CNTN4: variants seen among roughly 807,000 people sequenced by gnomAD.
CNTN4 encodes contactin-4.
A neutral mutation model predicts 122.5 loss-of-function variants in CNTN4; 77 were observed. The ratio of observed to expected loss-of-function variants is 0.63; its 90% CI spans 0.52 to 0.76. The LOEUF is 0.76. CNTN4 is among the 30% of genes least tolerant of loss of function. The pLI is 0.00. For synonymous variants in CNTN4, 512 were observed against 447.0 expected (o/e 1.15, Z -1.83); for missense variants, 1,256 against 1,259.1 (o/e 1.00, Z 0.04).
chr3:2,823,942 A>C (rs1328419275), intron 7 of CNTN4, among the ~76,000 whole-genome samples: 1 of 152,106 alleles, frequency 6.6e-6, no homozygotes, highest in African/African-American at 2.4e-5. Context: ...ACTGAATTGG[A>C]ACTTGCATTT....
chr3:2,496,573 C>G (rs2076457454), intron 3 of CNTN4, among the ~76,000 whole-genome samples: 1 of 152,108 alleles, frequency 6.6e-6, no homozygotes, highest in South Asian at 2.1e-4. Flanking sequence ...ATTTCAGTCT[C>G]CTGGAGATAG....
intron 4 of CNTN4, among the ~76,000 whole-genome samples, chr3:2,670,269 G>T (rs2084425580): frequency 6.6e-6 from 1 of 152,140 alleles, no homozygotes; most frequent in African/African-American, 2.4e-5. Context: ...TATGAATCTG[G>T]GTGCTCCTGT....
chr3:2,819,709 G>A (rs904170323), intron 7 of CNTN4, 128 bp downstream of exon 7: 15 of 773,752 alleles, frequency 1.9e-5, no homozygotes, highest in Non-Finnish European at 3.2e-5. Flanking sequence ...CCTCCATGTG[G>A]AGGAAAAACC....
At chr3:2,906,495 A>C (rs1025763971) in intron 12 of CNTN4, among the ~76,000 whole-genome samples, 4 of 152,164 alleles carry the variant, frequency 2.6e-5, no homozygotes, top group Non-Finnish European at 4.4e-5. Context: ...AAAAATAAAA[A>C]TTTTGATTCA....
intron 4 of CNTN4, among the ~76,000 whole-genome samples, chr3:2,729,341 G>C (rs1359775974): frequency 1.3e-5 from 2 of 151,644 alleles, no homozygotes; most frequent in Non-Finnish European, 2.9e-5. Context: ...AAGGCGGGCG[G>C]ATCACGAGGT....
intron 3 of CNTN4, among the ~76,000 whole-genome samples, chr3:2,396,411 C>T (rs1475543798): frequency 3.9e-5 from 6 of 152,192 alleles, no homozygotes; most frequent in Middle Eastern, 3.4e-3. Context: ...AAAGACCCAC[C>T]GTATGAAAAC....
chr3:2,534,232 G>GT (rs1260199434), intron 3 of CNTN4, among the ~76,000 whole-genome samples: 1 of 152,058 alleles, frequency 6.6e-6, no homozygotes, highest in Non-Finnish European at 1.5e-5. Context: ...GGTTTTTATG[G>GT]TTTTAGGTCT....
intron 2 of CNTN4, among the ~76,000 whole-genome samples, chr3:2,337,489 A>T (rs2044004761): frequency 6.6e-6 from 1 of 152,072 alleles, no homozygotes; most frequent in Admixed American, 6.6e-5. Context: ...TTAATTATTA[A>T]TTTGAGGATT....
At chr3:2,391,666 A>C (rs2046446174) in intron 3 of CNTN4, among the ~76,000 whole-genome samples, 1 of 152,172 alleles carries the variant, frequency 6.6e-6, no homozygotes, top group Non-Finnish European at 1.5e-5. Flanking sequence ...GTTAGCTCAA[A>C]ATTTAGATTG....
rs1470698375 is a variant in CNTN4 at position 2,631,883 on chromosome 3, AAAAAAC to A, written c.55+60328_55+60333del. ...ATCTCTACAAAAAAAAAAAAACAAA[AAAAAAC>A]AACAACTAAAAAATTAGCTGGACAT... is the stretch of plus-strand genomic sequence containing the variant. On this transcript the variant is annotated intron_variant, in intron 4 of 24. Coordinates refer to ENST00000418658, the MANE Select transcript of CNTN4 (RefSeq NM_175607.3). 2.1e-4 allele frequency among the ~76,000 whole-genome samples: 32 copies of A among 150,726 alleles called. 2 individuals are homozygous for A. The highest frequency in any genetic ancestry group is 7.8e-4 in the African/African-American group (32 of 41,084).
chr3:3,026,078 GTTTGT>G lies in CNTN4; in HGVS notation c.1487-15_1487-11del. On this transcript the variant is annotated intron_variant, in intron 14 of 24. Transcript: ENST00000418658. ...GCTCACAGACTTTGTTGTTGTTATT[GTTTGT>G]TTTGTTTTAACTCTCCAGATCCAAC... The G allele has an allele frequency of 6.2e-7, 1 of 1,606,662 alleles. No homozygotes were observed. Among genetic ancestry groups the G allele is most frequent in the Non-Finnish European group, 8.5e-7 (1 of 1,173,858 alleles).
intron 2 of CNTN4, among the ~76,000 whole-genome samples, chr3:2,313,337 AT>A (rs1169367997): frequency 2.0e-5 from 3 of 152,056 alleles, no homozygotes; most frequent in Non-Finnish European, 4.4e-5. Flanking sequence ...AATTATATAA[AT>A]TAACTCATGT....
chr3:2,111,568 G>T (rs1449795093), intron 2 of CNTN4, among the ~76,000 whole-genome samples: 15 of 152,100 alleles, frequency 9.9e-5, no homozygotes, highest in Non-Finnish European at 1.5e-4. Context: ...TATAGGAAAG[G>T]CTGGAGGCAG....
intron 4 of CNTN4, among the ~76,000 whole-genome samples, chr3:2,680,895 T>G (rs2085129031): frequency 6.6e-6 from 1 of 152,238 alleles, no homozygotes; most frequent in Non-Finnish European, 1.5e-5. Flanking sequence ...CATTTTCTTC[T>G]GTATGTTTTC....
intron 3 of CNTN4, among the ~76,000 whole-genome samples, chr3:2,358,869 T>C (rs762628839): frequency 1.3e-5 from 2 of 152,174 alleles, no homozygotes; most frequent in Non-Finnish European, 2.9e-5. Context: ...GAGGATGTCA[T>C]GAATGAAGAA....
intron 2 of CNTN4, among the ~76,000 whole-genome samples, chr3:2,282,559 C>T (rs1263990755): frequency 6.6e-6 from 1 of 151,994 alleles, no homozygotes; most frequent in Admixed American, 6.6e-5. Flanking sequence ...CCAAGGTGTG[C>T]AAATGATTTA....
chr3:2,669,988 T>G (rs2084407438), intron 4 of CNTN4, among the ~76,000 whole-genome samples: 1 of 152,226 alleles, frequency 6.6e-6, no homozygotes, highest in Non-Finnish European at 1.5e-5. Flanking sequence ...TCTTTTACAT[T>G]TGCTGAGGAG....
chr3:2,468,066 T>C (rs1249529729), intron 3 of CNTN4, among the ~76,000 whole-genome samples: 1 of 152,218 alleles, frequency 6.6e-6, no homozygotes, highest in African/African-American at 2.4e-5. Context: ...ATGCTGCTCC[T>C]AGTGAATTGA....
intron 12 of CNTN4, among the ~76,000 whole-genome samples, chr3:2,910,238 C>G (rs986335674): frequency 6.6e-6 from 1 of 152,106 alleles, no homozygotes; most frequent in African/African-American, 2.4e-5. Flanking sequence ...TATGATCATC[C>G]CTTACATCAA....
Sources: gnomAD v4.1 joint callset for allele counts (sites outside exome capture counted in the v4.1 genomes callset) on GRCh38, gnomAD v4.1.1 for gene constraint, MANE v1.5 for transcripts, NCBI Gene and HGNC (gene_info 2026-07-23, HGNC 2026-07-21) for gene names.